Variants in SPI1 observed in about 807,000 individuals in gnomAD.
SPI1 encodes Spi-1 proto-oncogene.
Under a neutral mutation model 30.7 loss-of-function variants are expected in SPI1, and 3 were observed. The observed-to-expected ratio is 0.10, with a 90% CI of 0.04 to 0.25. The LOEUF (loss-of-function observed/expected upper bound fraction) is 0.25. Ranked by LOEUF, SPI1 falls within the 10% of genes least tolerant of loss-of-function variation. SPI1 has a pLI of 1.00. For synonymous variants in SPI1, 169 were observed against 157.1 expected (o/e 1.08, Z -0.56); for missense variants, 261 against 371.5 (o/e 0.70, Z 2.45).
In SPI1 at chr11:47,355,246, C is replaced by T. The variant is rs780179432; in HGVS notation, c.794G>A (p.Arg265Gln). Residue 265 changes from arginine (R) to glutamine (Q), a missense_variant, in exon 5 of 5, where the codon CGG becomes CAG. Coordinates refer to ENST00000378538, the MANE Select transcript of SPI1 (RefSeq NM_003120.3). Reference protein sequence around the residue: ...EVLGRGGLAERRHPPH With the variant: ...EVLGRGGLAEQRHPPH ...GCGGGCTCAGTGGGGCGGGTGGCGC[C>T]GCTCGGCCAGGCCCCCGCGGCCCAG... The T allele has an allele frequency of 1.2e-5, 17 of 1,442,620 alleles. No individual in the cohort carries two copies. Among genetic ancestry groups the T allele is most frequent in the Admixed American group, 5.1e-5 (2 of 39,116 alleles). 89.4% of individuals were successfully genotyped at this position (1,442,620 alleles called of 1,614,324 possible).
chr11:47,376,118 C>G (rs962432491), intron 1 of SPI1, among the ~76,000 whole-genome samples: 1 of 151,972 alleles, frequency 6.6e-6, no homozygotes, highest in Non-Finnish European at 1.5e-5. Flanking sequence ...CACACGAGGA[C>G]TCACTCTCAC....
chr11:47,368,524 C>T (rs1368538849), intron 2 of SPI1, among the ~76,000 whole-genome samples: 3 of 152,188 alleles, frequency 2.0e-5, no homozygotes, highest in Non-Finnish European at 4.4e-5. Flanking sequence ...CGGCTGGATA[C>T]GCAAAACGTG....
chr11:47,365,364 A>G (rs905241250), intron 2 of SPI1, among the ~76,000 whole-genome samples: 5 of 152,170 alleles, frequency 3.3e-5, no homozygotes, highest in African/African-American at 1.2e-4. Context: ...GTAGATCTCA[A>G]TCGCTATTTG....
chr11:47,355,817 G>C (rs2095907601), intron 4 of SPI1, among the ~76,000 whole-genome samples: 1 of 141,218 alleles, frequency 7.1e-6, no homozygotes, highest in Non-Finnish European at 1.5e-5. Context: ...AGTGCACCAA[G>C]TACACACACA....
At chr11:47,360,317 C>G (rs757968017) in intron 2 of SPI1, among the ~76,000 whole-genome samples, 11 of 152,272 alleles carry the variant, frequency 7.2e-5, no homozygotes, top group Non-Finnish European at 1.5e-4. Flanking sequence ...CATCCTGATT[C>G]CTGTGCAGTC....
chr11:47,376,706 C>T (rs368995397), intron 1 of SPI1, among the ~76,000 whole-genome samples: 3 of 152,108 alleles, frequency 2.0e-5, no homozygotes, highest in Non-Finnish European at 2.9e-5. Context: ...GACACAGGGC[C>T]GTGCACACCC....
chr11:47,359,861 C>T lies in SPI1; in HGVS notation c.322G>A (p.Gly108Ser), dbSNP rs1280079647. The change falls in exon 3 of 5, where the codon GGC becomes AGC. Residue 108 changes from glycine (G) to serine (S), a missense_variant. This residue lies in a region of SPI1 where 106 missense variants were observed against 102.0 expected (regional missense o/e 1.04). Transcript: ENST00000378538. This position sits in a 1 kb window ranked among gnomAD's most constrained non-coding sequence, Gnocchi z 5.1. ...CAGGCGGTGGCATGCACCTGGTGGCCAAGACTGGGATGGGGTGGCACCATG... is the reference window on the plus strand; with the variant it reads ...CAGGCGGTGGCATGCACCTGGTGGCTAAGACTGGGATGGGGTGGCACCATG... ...TPMVPPHPSL[G>S]HQVSYLPRMC... is the part of the protein sequence containing the mutation. 1 of 1,605,054 alleles carries T rather than the reference C, an allele frequency of 6.2e-7. No individual in the cohort carries two copies. The highest frequency in any genetic ancestry group is 1.7e-5 in the Admixed American group (1 of 59,954).
chr11:47,378,275 C>T lies in SPI1; in HGVS notation c.45+34G>A, dbSNP rs376896186. 761 of 1,610,232 alleles carry T rather than the reference C, an allele frequency of 4.7e-4. 7 individuals are homozygous for T. In the South Asian group the frequency reaches 7.2e-3, roughly 15 times the overall value. On this transcript the variant is annotated intron_variant, in intron 1 of 4. Coordinates refer to ENST00000378538, the MANE Select transcript of SPI1 (RefSeq NM_003120.3). ...CAGGCAGGCAGGCGTCCGAGGGCCA[C>T]GGGTTGGGCTGGTGGAGGAGTCCCG...
At position 47,356,463 on chromosome 11, in the gene SPI1, G is replaced by GC. The variant is rs1184122050; in HGVS notation, c.494-918dup. ...GCACACACACTCAGACCCACTTACT[G>GC]CCCCCACACACGGTCACACCCAATG... On this transcript the variant is annotated intron_variant, in intron 4 of 4. Transcript: ENST00000378538. 1.2e-4 allele frequency among the ~76,000 whole-genome samples: 18 copies of GC among 149,212 alleles called. No homozygotes were observed. The South Asian group carries it at 3.2e-3, about 27-fold the overall frequency.
intron 2 of SPI1, among the ~76,000 whole-genome samples, chr11:47,365,011 G>A (rs1362270169): frequency 6.6e-6 from 1 of 152,174 alleles, no homozygotes; most frequent in Admixed American, 6.5e-5. Context: ...GCCTTTACCT[G>A]TGATTTGGTG....
intron 2 of SPI1, among the ~76,000 whole-genome samples, chr11:47,367,640 AAAG>A (rs2095930286): frequency 6.6e-6 from 1 of 152,038 alleles, no homozygotes; most frequent in East Asian, 1.9e-4. Flanking sequence ...AGAAAGAAAA[AAAG>A]AAAATAACAA....
chr11:47,356,576 ACACCT>A (rs2142877543), intron 4 of SPI1, among the ~76,000 whole-genome samples: 1 of 151,488 alleles, frequency 6.6e-6, no homozygotes, highest in Admixed American at 6.6e-5. Flanking sequence ...ACCTGCTCAT[ACACCT>A]CACACCAGGT....
chr11:47,366,265 T>G (rs777855394), intron 2 of SPI1, among the ~76,000 whole-genome samples: 13 of 152,178 alleles, frequency 8.5e-5, no homozygotes, highest in Non-Finnish European at 1.6e-4. Flanking sequence ...CTAGTCTTAC[T>G]CACTTTTTTG....
chr11:47,356,975 C>A (rs571274980), intron 4 of SPI1, among the ~76,000 whole-genome samples: 2 of 73,542 alleles, frequency 2.7e-5, no homozygotes, highest in African/African-American at 8.5e-5. Flanking sequence ...CACGTCTGCT[C>A]ACACACATGC....
At chr11:47,356,034 GCA>G (rs746094162) in intron 4 of SPI1, among the ~76,000 whole-genome samples, 20 of 150,018 alleles carry the variant, frequency 1.3e-4, no homozygotes, top group Admixed American at 4.0e-4. Flanking sequence ...TCACACACAT[GCA>G]CACACAATGC....
intron 1 of SPI1, among the ~76,000 whole-genome samples, chr11:47,376,427 A>G (rs1374609995): frequency 2.0e-5 from 3 of 151,944 alleles, no homozygotes; most frequent in Admixed American, 1.3e-4. Flanking sequence ...TGGCACCACA[A>G]TGACCCTCCA....
chr11:47,357,192 CCTG>C (rs1381297336), intron 4 of SPI1, among the ~76,000 whole-genome samples: 1 of 151,354 alleles, frequency 6.6e-6, no homozygotes, highest in African/African-American at 2.4e-5. Flanking sequence ...CTCACACACA[CCTG>C]CCCACACATA....
chr11:47,375,203 G>A lies in SPI1; in HGVS notation c.142+430C>T, dbSNP rs1484386465. Among the ~76,000 whole-genome samples, 2 of 152,196 alleles carry A rather than the reference G, an allele frequency of 1.3e-5. No homozygotes were observed. Among genetic ancestry groups the A allele is most frequent in the Admixed American group, 6.5e-5 (1 of 15,284 alleles). On this transcript the variant is annotated intron_variant, in intron 2 of 4. Coordinates refer to ENST00000378538, the MANE Select transcript of SPI1 (RefSeq NM_003120.3). The surrounding 1 kb of genome is among the most constrained non-coding windows in gnomAD (Gnocchi z 4.2). ...TGGCAGGAAGTGCGGATGTGCCGGC[G>A]GGGAGTTTGGGACAGAGAGTGACGA...
Position 47,360,099 on chromosome 11 carries a change from G to T in SPI1, c.143-59C>A, listed in dbSNP as rs2095918515. The T allele has an allele frequency of 9.4e-6, 13 of 1,381,476 alleles. No individual in the cohort carries two copies. The South Asian group carries it at 1.9e-4, about 20-fold the overall frequency. The allele number at this position is 1,381,476 out of a possible 1,614,324, so 85.6% of individuals were successfully genotyped here. A position where few individuals can be genotyped will look rare whatever the true frequency, so the allele number is the denominator to read the frequency against. On this transcript the variant is annotated intron_variant, in intron 2 of 4. Coordinates refer to ENST00000378538, the MANE Select transcript of SPI1 (RefSeq NM_003120.3). ...TCAGGGTTGGGCAGGGCAGGAAAAG[G>T]TTATAGTAACATTAAATAATACTGC...
Sources: allele counts gnomAD v4.1 joint callset (sites outside exome capture counted in the v4.1 genomes callset), GRCh38; gene constraint gnomAD v4.1.1; regional missense constraint gnomAD v4.1.1; non-coding constraint Gnocchi (gnomAD v3.1); transcripts MANE v1.5; gene names NCBI Gene and HGNC (gene_info 2026-07-23, HGNC 2026-07-21).